The following UNC5C variants were observed in gnomAD, a reference collection of about 807,000 sequenced individuals.
UNC5C encodes the protein unc-5 netrin receptor C, also known as netrin receptor UNC5C.
UNC5C carries 47 observed loss-of-function variants against 99.8 expected under a neutral mutation model. The observed-to-expected ratio is 0.47, with a 90% confidence interval of 0.37 to 0.60. The LOEUF (loss-of-function observed/expected upper bound fraction) is 0.60, where lower values mean the gene tolerates loss of function less well. Ranked by LOEUF, UNC5C falls within the 20% of genes least tolerant of loss-of-function variation. The pLI, the probability that UNC5C is intolerant of heterozygous loss-of-function variation, is 0.00. For missense variants in UNC5C, 1,062 were observed against 1,165.9 expected, an observed-to-expected ratio of 0.91 and a Z score of 1.30; for synonymous variants, 487 against 452.2, an observed-to-expected ratio of 1.08 and a Z score of -0.98.
At chr4:95,277,213 A>C (rs541034816) in intron 4 of UNC5C, among the ~76,000 whole-genome samples, 5 of 152,354 alleles carry the variant, frequency 3.3e-5, no homozygotes, top group Non-Finnish European at 5.9e-5. Flanking sequence ...TTAAAAATTC[A>C]TATACATTGA....
At chr4:95,370,926 AG>A (rs1208664749) in intron 1 of UNC5C, among the ~76,000 whole-genome samples, 1 of 152,200 alleles carries the variant, frequency 6.6e-6, no homozygotes, top group East Asian at 1.9e-4. Flanking sequence ...GTAGAGGGAA[AG>A]CTATAGGTTT....
chr4:95,201,780 A>G lies in UNC5C; in HGVS notation c.2136+951T>C, dbSNP rs1019422655. 6.6e-5 allele frequency among the ~76,000 whole-genome samples: 10 copies of G among 151,778 alleles called. No homozygotes were observed. The East Asian group carries it at 1.9e-3, about 30-fold the overall frequency. ...CATCATGCCCGGCTAATTTTTTTGT[A>G]TTTTTAGTAGAGACGGGGTTTCACC... On this transcript the variant is annotated intron_variant, in intron 12 of 15. Transcript: ENST00000453304.
intron 1 of UNC5C, among the ~76,000 whole-genome samples, chr4:95,484,182 G>A (rs533922852): frequency 1.1e-3 from 162 of 151,938 alleles, no homozygotes; most frequent in African/African-American, 3.5e-3. Flanking sequence ...GAGCCACATG[G>A]GTGGGTGTAT....
chr4:95,228,475 C>G (rs1738776587), intron 7 of UNC5C, among the ~76,000 whole-genome samples: 1 of 152,174 alleles, frequency 6.6e-6, no homozygotes, highest in Admixed American at 6.5e-5. Flanking sequence ...CACAAACTTG[C>G]AAACCCCCAG....
chr4:95,467,699 G>A (rs556811391), intron 1 of UNC5C, among the ~76,000 whole-genome samples: 1 of 152,018 alleles, frequency 6.6e-6, no homozygotes, highest in African/African-American at 2.4e-5. Flanking sequence ...CTGGGCTTAG[G>A]GGGCACCAAC....
chr4:95,442,369 ATTT>A (rs5860407), intron 1 of UNC5C, among the ~76,000 whole-genome samples: 2 of 126,324 alleles, frequency 1.6e-5, no homozygotes, highest in South Asian at 5.2e-4. Context: ...TGCCCAGCTA[ATTT>A]TTTTTTTTTT....
intron 1 of UNC5C, among the ~76,000 whole-genome samples, chr4:95,347,207 A>C (rs971809666): frequency 3.3e-5 from 5 of 151,984 alleles, no homozygotes; most frequent in Non-Finnish European, 7.4e-5. Flanking sequence ...TAATTAAAGA[A>C]GTGAAATATC....
intron 1 of UNC5C, among the ~76,000 whole-genome samples, chr4:95,454,954 T>C (rs1221156151): frequency 6.6e-6 from 1 of 152,150 alleles, no homozygotes; most frequent in Non-Finnish European, 1.5e-5. Context: ...TTAAGAGGTA[T>C]ATATTTATCA....
intron 11 of UNC5C, among the ~76,000 whole-genome samples, chr4:95,205,014 C>G (rs1292795181): frequency 2.6e-5 from 4 of 151,946 alleles, no homozygotes; most frequent in African/African-American, 9.7e-5. Context: ...CCAAAGGACA[C>G]CTGGAAAGCA....
intron 1 of UNC5C, among the ~76,000 whole-genome samples, chr4:95,440,447 C>A (rs265017): frequency 0.9 from 136,544 of 151,764 alleles, 61,616 homozygotes; most frequent in Admixed American, 0.94. Context: ...ATATACCATT[C>A]AGAGAGGATG....
At chr4:95,545,312 T>G (rs1454212531) in intron 1 of UNC5C, among the ~76,000 whole-genome samples, 1 of 152,254 alleles carries the variant, frequency 6.6e-6, no homozygotes, top group East Asian at 1.9e-4. Flanking sequence ...ATTTTAAGCA[T>G]TCTCTAAGCT....
chr4:95,496,309 C>G (rs916230841), intron 1 of UNC5C, among the ~76,000 whole-genome samples: 1 of 151,594 alleles, frequency 6.6e-6, no homozygotes, highest in Non-Finnish European at 1.5e-5. Context: ...AGTGAATGAC[C>G]TAGATTGGTC....
At chr4:95,297,246 T>C (rs1306920935) in intron 3 of UNC5C, among the ~76,000 whole-genome samples, 2 of 152,192 alleles carry the variant, frequency 1.3e-5, no homozygotes, top group African/African-American at 4.8e-5. Flanking sequence ...GATATCCTAG[T>C]ACCCTTAGCA....
chr4:95,437,104 A>C (rs572297348), intron 1 of UNC5C, among the ~76,000 whole-genome samples: 19 of 151,922 alleles, frequency 1.3e-4, no homozygotes, highest in Admixed American at 9.8e-4. Context: ...AATTAAGCAA[A>C]ACAGAAACCA....
intron 1 of UNC5C, among the ~76,000 whole-genome samples, chr4:95,349,123 A>C (rs1743888840): frequency 6.6e-6 from 1 of 151,414 alleles, no homozygotes; most frequent in Non-Finnish European, 1.5e-5. Context: ...AAAAGAGTAT[A>C]ATTGGATTGC....
intron 2 of UNC5C, among the ~76,000 whole-genome samples, chr4:95,333,499 C>A (rs1232564454): frequency 8.9e-5 from 13 of 146,444 alleles, no homozygotes; most frequent in African/African-American, 3.3e-4. Context: ...CATGTTCTCA[C>A]TCATAGGTGG....
intron 14 of UNC5C, among the ~76,000 whole-genome samples, chr4:95,175,969 C>T (rs1736324590): frequency 6.6e-6 from 1 of 151,758 alleles, no homozygotes; most frequent in African/African-American, 2.4e-5. Flanking sequence ...CTCTAAACTT[C>T]CTTCTCGCTT....
intron 1 of UNC5C, among the ~76,000 whole-genome samples, chr4:95,439,330 CAA>C (rs1746881387): frequency 1.3e-5 from 2 of 150,700 alleles, no homozygotes; most frequent in Admixed American, 6.6e-5. Context: ...ACCATAAACT[CAA>C]GAGGAAAAAT....
chr4:95,216,421 C>A (rs78247390), intron 9 of UNC5C, among the ~76,000 whole-genome samples: 1 of 152,150 alleles, frequency 6.6e-6, no homozygotes, highest in Non-Finnish European at 1.5e-5. Context: ...AATGATGTAA[C>A]TTTTTAAACT....
Sources: allele counts gnomAD v4.1 joint callset (sites outside exome capture counted in the v4.1 genomes callset), GRCh38; gene constraint gnomAD v4.1.1; transcripts MANE v1.5; gene names NCBI Gene and HGNC (gene_info 2026-07-23, HGNC 2026-07-21).